The following TRABD2B variants were observed in gnomAD, a reference collection of about 807,000 sequenced individuals.
TRABD2B encodes the protein TraB domain containing 2B.
In TRABD2B, 14 loss-of-function variants were observed where a neutral mutation model predicts 40.1. The ratio of observed to expected loss-of-function variants is 0.35; its 90% CI spans 0.23 to 0.55. The LOEUF (loss-of-function observed/expected upper bound fraction) is 0.55, where lower values mean the gene tolerates loss of function less well. Among genes scored for constraint, TRABD2B ranks in the 20% least tolerant of loss-of-function variants. The probability of loss-of-function intolerance (pLI) is 0.90; values close to 1 mark genes in which losing one functional copy is unlikely to be tolerated. For synonymous variants in TRABD2B, 263 were observed against 277.0 expected (o/e 0.95, Z 0.50); for missense variants, 541 against 648.6 (o/e 0.83, Z 1.80).
chr1:47,994,659 G>A lies in TRABD2B; in HGVS notation c.103-62C>T. The stretch of plus-strand genomic sequence containing the variant: ...AAGGCAACAGAGTAGAGTCAGGGTA[G>A]CCCAGAGGCACGTTGCAGAGGGAGG... On this transcript the variant is annotated intron_variant, in intron 1 of 6. Coordinates refer to ENST00000606738, the MANE Select transcript of TRABD2B (RefSeq NM_001194986.2). The surrounding 1 kb of genome is among the most constrained non-coding windows in gnomAD (Gnocchi z 6.7). 1 of 1,438,908 alleles carries A rather than the reference G, an allele frequency of 6.9e-7. No individual in the cohort carries two copies. Among genetic ancestry groups the A allele is most frequent in the Non-Finnish European group, 9.3e-7 (1 of 1,078,428 alleles). 89.1% of individuals were successfully genotyped at this position (1,438,908 alleles called of 1,614,324 possible). A position where few individuals can be genotyped will look rare whatever the true frequency, so the allele number is the denominator to read the frequency against.
chr1:47,940,419 C>A (rs1645170698), intron 2 of TRABD2B, among the ~76,000 whole-genome samples: 1 of 152,178 alleles, frequency 6.6e-6, no homozygotes, highest in Non-Finnish European at 1.5e-5. Context: ...TGGACAGGGA[C>A]TATTATTATA....
intron 2 of TRABD2B, among the ~76,000 whole-genome samples, chr1:47,844,926 T>C (rs1439653516): frequency 6.6e-6 from 1 of 152,142 alleles, no homozygotes. Flanking sequence ...TGCAGTTCTT[T>C]GAGCAAGACA....
intron 2 of TRABD2B, among the ~76,000 whole-genome samples, chr1:47,877,022 G>A (rs890312817): frequency 6.6e-6 from 1 of 152,120 alleles, no homozygotes; most frequent in Non-Finnish European, 1.5e-5. Context: ...GAGAGACAAA[G>A]AAATAAACAT....
intron 2 of TRABD2B, among the ~76,000 whole-genome samples, chr1:47,892,248 G>A (rs1355855036): frequency 6.6e-6 from 1 of 152,226 alleles, no homozygotes; most frequent in African/African-American, 2.4e-5. Flanking sequence ...CTGGATGGAG[G>A]TTAAGAAAGA....
chr1:47,799,650 G>A (rs1644792451), intron 3 of TRABD2B, among the ~76,000 whole-genome samples: 1 of 152,104 alleles, frequency 6.6e-6, no homozygotes. Context: ...AAGTACTGAT[G>A]GAACACCATG....
intron 2 of TRABD2B, among the ~76,000 whole-genome samples, chr1:47,828,076 C>T (rs12084663): frequency 0.31 from 47,435 of 152,038 alleles, 7,760 homozygotes; most frequent in Non-Finnish European, 0.37. Flanking sequence ...CCCTTCCTTG[C>T]AGGCCTGCCT....
intron 2 of TRABD2B, among the ~76,000 whole-genome samples, chr1:47,968,359 C>T (rs1279078803): frequency 6.6e-6 from 1 of 152,172 alleles, no homozygotes; most frequent in Non-Finnish European, 1.5e-5. Context: ...TGGTTTTACT[C>T]CCCCTACTAC....
chr1:47,784,164 G>A (rs1461585264), intron 4 of TRABD2B, among the ~76,000 whole-genome samples: 3 of 152,256 alleles, frequency 2.0e-5, no homozygotes, highest in East Asian at 1.9e-4. Context: ...GACGTGACTC[G>A]CCCAAGGTCA....
chr1:47,996,632 C>G lies in TRABD2B; in HGVS notation c.102+56G>C. ...GGAAGCAGGACCCAAACCATGGTCCCACGGGACTAGAATACCCAGGCAGGC... is the reference window on the plus strand; with the variant it reads ...GGAAGCAGGACCCAAACCATGGTCCGACGGGACTAGAATACCCAGGCAGGC... On this transcript the variant is annotated intron_variant, in intron 1 of 6. Transcript: ENST00000606738. This position sits in a 1 kb window ranked among gnomAD's most constrained non-coding sequence, Gnocchi z 4.6. 2 of 1,220,870 alleles carry G rather than the reference C, an allele frequency of 1.6e-6. No individual in the cohort carries two copies. Among genetic ancestry groups the G allele is most frequent in the Non-Finnish European group, 2.0e-6 (2 of 979,640 alleles). 75.6% of individuals were successfully genotyped at this position (1,220,870 alleles called of 1,614,324 possible).
chr1:47,910,068 C>A (rs1045687619), intron 2 of TRABD2B, among the ~76,000 whole-genome samples: 3 of 151,606 alleles, frequency 2.0e-5, no homozygotes, highest in Non-Finnish European at 4.4e-5. Context: ...CCAAGTTGCC[C>A]AGGCTGGCCT....
At chr1:47,791,944 C>T (rs1193195284) in intron 4 of TRABD2B, among the ~76,000 whole-genome samples, 1 of 152,186 alleles carries the variant, frequency 6.6e-6, no homozygotes, top group Non-Finnish European at 1.5e-5. Flanking sequence ...TTGCTCATGT[C>T]CCTGCCCTCT....
At chr1:47,992,926 C>T (rs1293797114) in intron 2 of TRABD2B, among the ~76,000 whole-genome samples, 1 of 152,236 alleles carries the variant, frequency 6.6e-6, no homozygotes, top group African/African-American at 2.4e-5. Flanking sequence ...CTTACCTCCC[C>T]AGGGACAATA....
chr1:47,925,721 G>A (rs11588585), intron 2 of TRABD2B, among the ~76,000 whole-genome samples: 3,574 of 152,310 alleles, frequency 0.023, 106 homozygotes, highest in Admixed American at 0.09. Context: ...TTCTTTCTCT[G>A]AGCACTTACT....
chr1:47,924,043 C>T (rs748233162), intron 2 of TRABD2B, among the ~76,000 whole-genome samples: 17 of 151,828 alleles, frequency 1.1e-4, no homozygotes, highest in African/African-American at 3.4e-4. Flanking sequence ...AGAATGTTTC[C>T]GGTCTTTATT....
chr1:47,972,529 C>T (rs1437617208), intron 2 of TRABD2B, among the ~76,000 whole-genome samples: 1 of 150,624 alleles, frequency 6.6e-6, no homozygotes, highest in African/African-American at 2.5e-5. Context: ...GCTCTCTAGC[C>T]CTCTTTCCAC....
chr1:47,851,951 C>G (rs1359255276), intron 2 of TRABD2B, among the ~76,000 whole-genome samples: 1 of 152,142 alleles, frequency 6.6e-6, no homozygotes, highest in Non-Finnish European at 1.5e-5. Context: ...TGCTCTTAAT[C>G]AATGTGATTC....
At chr1:47,802,170 C>T (rs1400220723) in intron 2 of TRABD2B, among the ~76,000 whole-genome samples, 1 of 152,160 alleles carries the variant, frequency 6.6e-6, no homozygotes, top group East Asian at 1.9e-4. Flanking sequence ...TCCTCAAGCT[C>T]CTCTGTCCTC....
At chr1:47,936,398 G>A (rs1645107136) in intron 2 of TRABD2B, among the ~76,000 whole-genome samples, 1 of 152,098 alleles carries the variant, frequency 6.6e-6, no homozygotes, top group African/African-American at 2.4e-5. Flanking sequence ...AAAACAACAG[G>A]AAAGGTGAAC....
chr1:47,911,057 C>T (rs1644756418), intron 2 of TRABD2B, among the ~76,000 whole-genome samples: 1 of 152,206 alleles, frequency 6.6e-6, no homozygotes, highest in Non-Finnish European at 1.5e-5. Context: ...GGAGCCTGAA[C>T]CCTCCATAGC....
Sources: allele counts gnomAD v4.1 joint callset (sites outside exome capture counted in the v4.1 genomes callset), GRCh38; gene constraint gnomAD v4.1.1; non-coding constraint Gnocchi (gnomAD v3.1); transcripts MANE v1.5; gene names NCBI Gene and HGNC (gene_info 2026-07-23, HGNC 2026-07-21).